ACVR2A: variants seen among roughly 807,000 people sequenced by gnomAD.
ACVR2A encodes activin A receptor type 2A.
Under a neutral mutation model 61.4 loss-of-function variants are expected in ACVR2A, and 7 were observed. The observed-to-expected ratio is 0.11, with a 90% CI of 0.06 to 0.21. The LOEUF is 0.21. ACVR2A is among the 10% of genes least tolerant of loss of function. The probability of loss-of-function intolerance (pLI) is 1.00; values close to 1 mark genes in which losing one functional copy is unlikely to be tolerated. For missense variants in ACVR2A, 322 were observed against 621.7 expected, an observed-to-expected ratio of 0.52 and a Z score of 5.13; for synonymous variants, 193 against 208.3, an observed-to-expected ratio of 0.93 and a Z score of 0.63.
chr2:147,909,861 C>T (rs559672699), intron 4 of ACVR2A, among the ~76,000 whole-genome samples: 4 of 152,082 alleles, frequency 2.6e-5, no homozygotes, highest in African/African-American at 4.8e-5. Context: ...AGGCTGGTCT[C>T]GAACTCCTGA....
intron 1 of ACVR2A, among the ~76,000 whole-genome samples, chr2:147,862,295 T>C (rs1225315395): frequency 1.3e-5 from 2 of 152,102 alleles, no homozygotes; most frequent in East Asian, 3.9e-4. Context: ...TTTTTTTTTT[T>C]TGGAGTAGGG....
intron 8 of ACVR2A, 107 bp from the exon 9 acceptor site, chr2:147,922,866 C>G: frequency 1.7e-6 from 2 of 1,171,630 alleles, no homozygotes; most frequent in Non-Finnish European, 2.5e-6. Context: ...GTGTGTATAC[C>G]TTACCCTGGT....
At chr2:147,869,517 G>A (rs1166687677) in intron 1 of ACVR2A, among the ~76,000 whole-genome samples, 1 of 152,156 alleles carries the variant, frequency 6.6e-6, no homozygotes, top group African/African-American at 2.4e-5. Context: ...GGTTAAATAG[G>A]GGAATAACAT....
At position 147,917,349 on chromosome 2, in the gene ACVR2A, T is replaced by C. The variant is rs199554115; in HGVS notation, c.739T>C (p.Leu247=). The change falls in exon 6 of 11, where the codon TTA becomes CTA. Residue 247 remains leucine (L), a synonymous_variant. Coordinates refer to ENST00000241416, the MANE Select transcript of ACVR2A (RefSeq NM_001616.5). ...GCCTGGAATGAAGCATGAGAACATATTACAGTTCATTGGTGCAGAAAAACG... is the reference window on the plus strand; with the variant it reads ...GCCTGGAATGAAGCATGAGAACATACTACAGTTCATTGGTGCAGAAAAACG... ...SLPGMKHENI[L]QFIGAEKRGT... 1.9e-6 allele frequency: 3 copies of C among 1,612,422 alleles called. No homozygotes were observed. Among genetic ancestry groups the C allele is most frequent in the East Asian group, 4.5e-5 (2 of 44,784 alleles).
chr2:147,915,511 T>C (rs750666367), intron 5 of ACVR2A, among the ~76,000 whole-genome samples, 177 bp downstream of exon 5: 2 of 151,952 alleles, frequency 1.3e-5, no homozygotes, highest in Non-Finnish European at 2.9e-5. Flanking sequence ...ATTGTTAATA[T>C]AACAATCATT....
intron 1 of ACVR2A, among the ~76,000 whole-genome samples, chr2:147,869,073 T>A (rs1435263308): frequency 6.6e-6 from 1 of 152,222 alleles, no homozygotes; most frequent in African/African-American, 2.4e-5. Flanking sequence ...TTAAAAGCAG[T>A]CCTTGACGAG....
chr2:147,892,212 C>T (rs1446062723), intron 1 of ACVR2A, among the ~76,000 whole-genome samples: 3 of 151,918 alleles, frequency 2.0e-5, no homozygotes, highest in African/African-American at 7.3e-5. Context: ...CCTCATGATC[C>T]GCCTGCCTCG....
At chr2:147,913,822 C>CAAAAAA (rs575237522) in intron 4 of ACVR2A, among the ~76,000 whole-genome samples, 2 of 61,782 alleles carry the variant, frequency 3.2e-5, no homozygotes, top group Non-Finnish European at 5.2e-5. Context: ...AACTTGTAGA[C>CAAAAAA]AAAAAAAAAA....
At chr2:147,903,121 A>G (rs1051755763) in intron 4 of ACVR2A, among the ~76,000 whole-genome samples, 2 of 151,888 alleles carry the variant, frequency 1.3e-5, no homozygotes, top group African/African-American at 4.8e-5. Context: ...TTTGTTCTGA[A>G]GAAGTGATGT....
chr2:147,911,628 C>T (rs574583033), intron 4 of ACVR2A, among the ~76,000 whole-genome samples: 1 of 151,890 alleles, frequency 6.6e-6, no homozygotes, highest in South Asian at 2.1e-4. Flanking sequence ...ACATTTTGTT[C>T]TTAGATTTTT....
chr2:147,920,008 T>A (rs1004789180), intron 7 of ACVR2A, among the ~76,000 whole-genome samples: 10 of 152,122 alleles, frequency 6.6e-5, no homozygotes, highest in African/African-American at 2.2e-4. Context: ...ATAGGTAGGA[T>A]TCCTTCTTAT....
In ACVR2A at chr2:147,928,284, T is replaced by G. The variant is rs1403311178; in HGVS notation, c.*1010T>G. 1 of 152,390 alleles carries G rather than the reference T, an allele frequency of 6.6e-6. No homozygotes were observed. Among genetic ancestry groups the G allele is most frequent in the Non-Finnish European group, 1.5e-5 (1 of 67,954 alleles). The allele number at this position is 152,390 out of a possible 1,614,324, so 9.4% of individuals were successfully genotyped here. The stretch of plus-strand genomic sequence containing the variant: ...ATTTTATCTTTTAAAATAGAGTTTT[T>G]TCTATTTATATATGTAAAATTGTAG... On this transcript the variant is annotated 3_prime_UTR_variant, in exon 11 of 11. Transcript: ENST00000241416.
At chr2:147,891,891 T>C (rs1216340032) in intron 1 of ACVR2A, among the ~76,000 whole-genome samples, 3 of 152,212 alleles carry the variant, frequency 2.0e-5, no homozygotes, top group Non-Finnish European at 4.4e-5. Context: ...TTCAACATGT[T>C]TCTGAAAATA....
intron 1 of ACVR2A, among the ~76,000 whole-genome samples, chr2:147,860,766 G>A (rs550568358): frequency 4.6e-5 from 7 of 152,262 alleles, no homozygotes; most frequent in Non-Finnish European, 1.0e-4. Context: ...TCCCCAGGCC[G>A]AGTTGGGATT....
chr2:147,890,368 G>GTGTGTGTGTA (rs778542956), intron 1 of ACVR2A, among the ~76,000 whole-genome samples: 5 of 149,690 alleles, frequency 3.3e-5, no homozygotes, highest in African/African-American at 7.3e-5. Context: ...GTGTGTGTGT[G>GTGTGTGTGTA]TATACACACA....
At chr2:147,920,163 C>A in intron 7 of ACVR2A, 67 bp from the exon 8 acceptor site, 1 of 1,063,482 alleles carries the variant, frequency 9.4e-7, no homozygotes, top group Non-Finnish European at 1.4e-6. Flanking sequence ...CCCTTTTCTG[C>A]TTTCAATAAA....
At chr2:147,927,006 A>G (rs1687520042) in intron 10 of ACVR2A, 74 bp from the exon 11 acceptor site, 1 of 1,427,888 alleles carries the variant, frequency 7.0e-7, no homozygotes, top group African/African-American at 1.5e-5. Context: ...CCATTTCTTC[A>G]TGAAAATTTT....
intron 9 of ACVR2A, among the ~76,000 whole-genome samples, chr2:147,925,142 A>G (rs528704375): frequency 3.2e-4 from 49 of 152,160 alleles, no homozygotes; most frequent in African/African-American, 1.0e-3. Flanking sequence ...AAGGCAATCC[A>G]GTGATTAAAA....
chr2:147,907,171 C>G (rs150597671), intron 4 of ACVR2A, among the ~76,000 whole-genome samples: 5,009 of 152,224 alleles, frequency 0.033, 215 homozygotes, highest in African/African-American at 0.097. Context: ...GACATGATCT[C>G]ATTCCTTTTT....
Sources: gnomAD v4.1 joint callset for allele counts (sites outside exome capture counted in the v4.1 genomes callset) on GRCh38, gnomAD v4.1.1 for gene constraint, MANE v1.5 for transcripts, NCBI Gene and HGNC (gene_info 2026-07-23, HGNC 2026-07-21) for gene names.